MFHAS1: variants seen among roughly 807,000 people sequenced by gnomAD.
MFHAS1 encodes the protein multifunctional ROCO family signaling regulator 1, also known as malignant fibrous histiocytoma-amplified sequence 1.
A neutral mutation model predicts 70.4 loss-of-function variants in MFHAS1; 50 were observed. That is an observed-to-expected ratio of 0.71 (90% CI 0.57 to 0.90). MFHAS1 has a LOEUF of 0.90. Ranked by LOEUF, MFHAS1 falls within the 40% of genes least tolerant of loss-of-function variation. MFHAS1 has a pLI of 0.00. For synonymous variants in MFHAS1, 952 were observed against 620.0 expected (o/e 1.54, Z -7.96); for missense variants, 1,795 against 1,347.6 (o/e 1.33, Z -5.20).
intron 1 of MFHAS1, among the ~76,000 whole-genome samples, chr8:8,884,737 G>C (rs992190443): frequency 1.2e-4 from 18 of 152,160 alleles, no homozygotes; most frequent in African/African-American, 4.3e-4. Flanking sequence ...GGCTGAGGCA[G>C]GCAGACTTTG....
Position 8,893,136 on chromosome 8 carries a change from G to A in MFHAS1, c.-78C>T. 1 of 1,093,398 alleles carries A rather than the reference G, an allele frequency of 9.1e-7. No homozygotes were observed. Among genetic ancestry groups the A allele is most frequent in the Middle Eastern group, 3.2e-4 (1 of 3,112 alleles). 67.7% of individuals were successfully genotyped at this position (1,093,398 alleles called of 1,614,324 possible). ...TGCCGCGCCGCGCCCCGGGCCCTCC[G>A]GCTCCTGCCCCTGCCTGCCCTCCCG... On this transcript the variant is annotated 5_prime_UTR_variant, in exon 1 of 3. Coordinates refer to ENST00000276282, the MANE Select transcript of MFHAS1 (RefSeq NM_004225.3).
At position 8,892,508 on chromosome 8, in the gene MFHAS1, C is replaced by T. The variant is rs1340137452; in HGVS notation, c.551G>A (p.Arg184His). The T allele has an allele frequency of 7.5e-6, 12 of 1,602,582 alleles. No individual in the cohort carries two copies. Among genetic ancestry groups the T allele is most frequent in the East Asian group, 6.8e-5 (3 of 44,348 alleles). ...PDSLSCLSRL[R>H]TLDVDHNQLT... The stretch of plus-strand genomic sequence containing the variant: ...CTGGTTGTGATCCACGTCCAGGGTG[C>T]GCAGGCGGGAGAGGCAGGAGAGGGA... The change falls in exon 1 of 3, where the codon CGC becomes CAC. Residue 184 changes from arginine (R) to histidine (H), a missense_variant. By Grantham distance (29) the Arg-to-His change is conservative. Coordinates refer to ENST00000276282, the MANE Select transcript of MFHAS1 (RefSeq NM_004225.3). This position sits in a 1 kb window ranked among gnomAD's most constrained non-coding sequence, Gnocchi z 4.7.
chr8:8,823,067 A>G (rs901428511), intron 1 of MFHAS1, among the ~76,000 whole-genome samples: 45 of 152,186 alleles, frequency 3.0e-4, no homozygotes, highest in African/African-American at 1.1e-3. Flanking sequence ...TCTAGTCCAT[A>G]CAGAGATTCT....
chr8:8,797,313 G>A (rs369748777), intron 2 of MFHAS1, 52 bp downstream of exon 2: 3 of 1,605,544 alleles, frequency 1.9e-6, no homozygotes, highest in Admixed American at 1.7e-5. Context: ...CATATCTATG[G>A]AGCTGGGATC....
At position 8,891,085 on chromosome 8, in the gene MFHAS1, T is replaced by C. The variant is rs1242631011; in HGVS notation, c.1974A>G (p.Val658=). The change falls in exon 1 of 3, where the codon GTA becomes GTG. Residue 658 remains valine (V), a synonymous_variant. Transcript: ENST00000276282. The surrounding 1 kb of genome is among the most constrained non-coding windows in gnomAD (Gnocchi z 5.4). The part of the protein sequence containing the change: ...HREIFPNLHR[V]LPRSWQVLEE... The stretch of plus-strand genomic sequence containing the variant: ...CCAGCACCTGCCAGGATCGAGGCAG[T>C]ACTCTGTGTAAGTTGGGGAAGATCT... 1 of 1,613,812 alleles carries C rather than the reference T, an allele frequency of 6.2e-7. No homozygotes were observed.
intron 1 of MFHAS1, among the ~76,000 whole-genome samples, chr8:8,856,913 G>A (rs140975903): frequency 2.4e-4 from 29 of 120,182 alleles, no homozygotes; most frequent in African/African-American, 9.3e-4. Flanking sequence ...AGATCAGAAA[G>A]AGAAATATAT....
chr8:8,830,081 T>C (rs59416447), intron 1 of MFHAS1, among the ~76,000 whole-genome samples: 2,650 of 152,220 alleles, frequency 0.017, 78 homozygotes, highest in African/African-American at 0.06. Context: ...ACATTTGAAA[T>C]GCCCGGGACT....
chr8:8,813,061 C>G (rs933516127), intron 1 of MFHAS1, among the ~76,000 whole-genome samples: 2 of 152,164 alleles, frequency 1.3e-5, no homozygotes, highest in African/African-American at 2.4e-5. Flanking sequence ...ACCACTGCAC[C>G]TGGCCTTCAT....
At chr8:8,863,390 G>C (rs1004511967) in intron 1 of MFHAS1, among the ~76,000 whole-genome samples, 13 of 152,184 alleles carry the variant, frequency 8.5e-5, no homozygotes, top group African/African-American at 3.1e-4. Flanking sequence ...TAAATTAACA[G>C]TGGCTCCTTG....
intron 1 of MFHAS1, among the ~76,000 whole-genome samples, chr8:8,850,579 C>T (rs531191333): frequency 6.6e-6 from 1 of 152,206 alleles, no homozygotes; most frequent in South Asian, 2.1e-4. Flanking sequence ...CGGTAGCTCA[C>T]GCCTGTAATT....
chr8:8,858,042 C>G (rs1371944913), intron 1 of MFHAS1, among the ~76,000 whole-genome samples: 2 of 152,186 alleles, frequency 1.3e-5, no homozygotes, highest in Non-Finnish European at 2.9e-5. Context: ...GACTGGTGTT[C>G]ACTGATCTGG....
chr8:8,812,715 G>GT (rs1260780135), intron 1 of MFHAS1, among the ~76,000 whole-genome samples: 1 of 152,156 alleles, frequency 6.6e-6, no homozygotes, highest in African/African-American at 2.4e-5. Flanking sequence ...TTTGCCATAG[G>GT]TTTTTTAGTG....
chr8:8,788,796 A>G (rs1251866366), intron 2 of MFHAS1, among the ~76,000 whole-genome samples: 4 of 152,200 alleles, frequency 2.6e-5, no homozygotes, highest in Non-Finnish European at 4.4e-5. Flanking sequence ...TCAGCGACCA[A>G]TGGGCCTTAA....
chr8:8,796,086 C>G (rs905274682), intron 2 of MFHAS1, among the ~76,000 whole-genome samples: 1 of 152,236 alleles, frequency 6.6e-6, no homozygotes, highest in East Asian at 1.9e-4. Flanking sequence ...GTTCTTAATA[C>G]AAACAAAACA....
At chr8:8,852,952 C>T (rs527742850) in intron 1 of MFHAS1, among the ~76,000 whole-genome samples, 103 of 152,168 alleles carry the variant, frequency 6.8e-4, no homozygotes, top group African/African-American at 2.4e-3. Context: ...ACATTTATAC[C>T]CGGATGTATT....
intron 1 of MFHAS1, among the ~76,000 whole-genome samples, chr8:8,798,203 C>T (rs887714542): frequency 2.0e-5 from 3 of 152,252 alleles, no homozygotes; most frequent in Non-Finnish European, 2.9e-5. Flanking sequence ...TGATGACTTC[C>T]ATTCTCTCAT....
At chr8:8,818,633 T>C (rs1207194170) in intron 1 of MFHAS1, among the ~76,000 whole-genome samples, 1 of 152,232 alleles carries the variant, frequency 6.6e-6, no homozygotes, top group African/African-American at 2.4e-5. Flanking sequence ...TACTTGCAAC[T>C]GACTTAACCC....
At chr8:8,797,008 CA>C (rs376726711) in intron 2 of MFHAS1, among the ~76,000 whole-genome samples, 2 of 151,732 alleles carry the variant, frequency 1.3e-5, no homozygotes, top group African/African-American at 4.8e-5. Context: ...AAAACAACAA[CA>C]AAAAAAATGT....
chr8:8,854,464 T>C (rs1035432508), intron 1 of MFHAS1, among the ~76,000 whole-genome samples: 2 of 151,416 alleles, frequency 1.3e-5, no homozygotes, highest in African/African-American at 4.9e-5. Flanking sequence ...GTACTTGCAG[T>C]GAGCTGAGAT....
Sources: gnomAD v4.1 joint callset for allele counts (sites outside exome capture counted in the v4.1 genomes callset) on GRCh38, gnomAD v4.1.1 for gene constraint, Gnocchi (gnomAD v3.1) non-coding constraint, MANE v1.5 for transcripts, NCBI Gene and HGNC (gene_info 2026-07-23, HGNC 2026-07-21) for gene names.